Variants in KCTD9 observed in about 807,000 individuals in gnomAD.
KCTD9 encodes the protein potassium channel tetramerization domain containing 9.
A neutral mutation model predicts 53.3 loss-of-function variants in KCTD9; 17 were observed. The observed-to-expected ratio is 0.32, with a 90% CI of 0.22 to 0.48. The LOEUF (loss-of-function observed/expected upper bound fraction) is 0.48. KCTD9 is among the 20% of genes least tolerant of loss of function. KCTD9 has a pLI of 0.99. For synonymous variants in KCTD9, 128 were observed against 162.7 expected, an observed-to-expected ratio of 0.79 and a Z score of 1.62; for missense variants, 179 against 465.5, an observed-to-expected ratio of 0.38 and a Z score of 5.66.
chr8:25,444,329 A>G lies in KCTD9; in HGVS notation c.177T>C (p.Asp59=), dbSNP rs1398892093. The G allele has an allele frequency of 1.9e-6, 3 of 1,609,986 alleles. No individual in the cohort carries two copies. The highest frequency in any genetic ancestry group is 1.7e-5 in the Admixed American group (1 of 59,458). ...CTCCTTCACAAACAAACAAAACATC[A>G]TCATCCCTGGGGAAATCAAAATTTA... ...LIDDIALIRD[D]DVLFVCEGEP... is the part of the protein sequence containing the mutation. The change falls in exon 3 of 12, where the codon GAT becomes GAC. Residue 59 remains aspartate (D), a synonymous_variant. Coordinates refer to ENST00000221200, the MANE Select transcript of KCTD9 (RefSeq NM_017634.4).
At chr8:25,442,662 T>C (rs1451549088) in intron 3 of KCTD9, among the ~76,000 whole-genome samples, 1 of 152,116 alleles carries the variant, frequency 6.6e-6, no homozygotes, top group Non-Finnish European at 1.5e-5. Context: ...TGGAGGTAAG[T>C]GTACGCTTGA....
intron 3 of KCTD9, among the ~76,000 whole-genome samples, chr8:25,443,419 T>G (rs1291298267): frequency 6.6e-6 from 1 of 152,140 alleles, no homozygotes; most frequent in African/African-American, 2.4e-5. Context: ...CATCAATAAA[T>G]GCAGAGGATG....
chr8:25,446,880 ACAGAG>A (rs1802223327), intron 1 of KCTD9, among the ~76,000 whole-genome samples: 1 of 152,090 alleles, frequency 6.6e-6, no homozygotes, highest in Non-Finnish European at 1.5e-5. Flanking sequence ...ACATTTAAGA[ACAGAG>A]CAAACAGCTG....
intron 1 of KCTD9, among the ~76,000 whole-genome samples, chr8:25,457,110 CAT>C (rs1468016406): frequency 6.6e-6 from 1 of 152,134 alleles, no homozygotes; most frequent in African/African-American, 2.4e-5. Context: ...ACCAAAAGAA[CAT>C]AAAATTATAG....
In KCTD9 at chr8:25,436,473, T is replaced by G. The variant is rs760266907; in HGVS notation, c.512A>C (p.Glu171Ala). The G allele has an allele frequency of 3.8e-6, 6 of 1,575,820 alleles. No homozygotes were observed. The highest frequency in any genetic ancestry group is 2.8e-5 in the African/African-American group (2 of 72,482). The change falls in exon 7 of 12, where the codon GAA (glutamate) becomes GCA (alanine). Residue 171 changes from glutamate (E) to alanine (A), a missense_variant. Glu to Ala is a moderately radical substitution (Grantham distance 107). Coordinates refer to ENST00000221200, the MANE Select transcript of KCTD9 (RefSeq NM_017634.4). Reference sequence around the variant, plus strand: ...TGAGTCAATACCAAAAAATCTTGCTTCTTCTAACACACCTATCAGAACAAA... The same window carrying G: ...TGAGTCAATACCAAAAAATCTTGCTGCTTCTAACACACCTATCAGAACAAA... Reference protein sequence around the residue: ...DGINLLGVLEEARFFGIDSLI... With the variant: ...DGINLLGVLEAARFFGIDSLI...
rs1329291814 is a variant in KCTD9, at chr8:25,427,946, T to C, written c.*1911A>G. 1 of 152,200 alleles carries C rather than the reference T, an allele frequency of 6.6e-6. No homozygotes were observed. Among genetic ancestry groups the C allele is most frequent in the African/African-American group, 2.4e-5 (1 of 41,456 alleles). The allele number at this position is 152,200 out of a possible 1,614,324, so 9.4% of individuals were successfully genotyped here. On this transcript the variant is annotated 3_prime_UTR_variant, in exon 12 of 12. Transcript: ENST00000221200. ...CCTTTGCTACCCAGAACCACAGGGC[T>C]GGTTGTCAACACATATTGAAGAAAT...
chr8:25,432,355 AGAAAT>A (rs376148143), intron 11 of KCTD9, 144 bp downstream of exon 11: 40 of 658,902 alleles, frequency 6.1e-5, no homozygotes, highest in African/African-American at 5.2e-4. Flanking sequence ...GGAAAAGGAG[AGAAAT>A]GAAATCAACT....
At chr8:25,450,060 A>C (rs1802290802) in intron 1 of KCTD9, among the ~76,000 whole-genome samples, 1 of 152,190 alleles carries the variant, frequency 6.6e-6, no homozygotes, top group Non-Finnish European at 1.5e-5. Flanking sequence ...CAATCAAAGT[A>C]CAACAGGTAT....
chr8:25,448,897 A>C (rs890887070), intron 1 of KCTD9, among the ~76,000 whole-genome samples: 4 of 152,042 alleles, frequency 2.6e-5, no homozygotes, highest in African/African-American at 9.7e-5. Context: ...CCTGGGCGAC[A>C]AAGTGAGACT....
At chr8:25,434,608 A>G (rs1586423704) in intron 9 of KCTD9, among the ~76,000 whole-genome samples, 1 of 152,210 alleles carries the variant, frequency 6.6e-6, no homozygotes, top group Non-Finnish European at 1.5e-5. Flanking sequence ...ACTAAAATGC[A>G]TATTTGGTAG....
intron 1 of KCTD9, chr8:25,457,612 G>C (rs2117457417): frequency 6.5e-6 from 1 of 152,796 alleles, no homozygotes; most frequent in African/African-American, 2.4e-5. Flanking sequence ...GGCGGCGGCG[G>C]GGCGTGGGGG....
chr8:25,449,071 C>T (rs746487043), intron 1 of KCTD9, among the ~76,000 whole-genome samples: 23 of 152,256 alleles, frequency 1.5e-4, no homozygotes, highest in Admixed American at 5.9e-4. Context: ...GCATTGCACA[C>T]GGCAAAGCTG....
chr8:25,458,136 G>A, intron 1 of KCTD9, 63 bp downstream of exon 1: 9 of 1,469,442 alleles, frequency 6.1e-6, no homozygotes, highest in Non-Finnish European at 7.5e-6. Context: ...CCGCCAGCCG[G>A]TTCCGCACCG....
chr8:25,446,020 G>A, intron 2 of KCTD9, 109 bp downstream of exon 2: 3 of 1,402,092 alleles, frequency 2.1e-6, no homozygotes, highest in Non-Finnish European at 2.9e-6. Context: ...GTAAACACTT[G>A]CCAAAATCCT....
Position 25,435,416 on chromosome 8 carries a change from T to C in KCTD9, c.760A>G (p.Asn254Asp). ...NLSRCNLAHANLCCANLERAD... is the reference protein window; with the variant it reads ...NLSRCNLAHADLCCANLERAD... Reference sequence around the variant, plus strand: ...CGTTCAAGATTTGCACAGCAAAGATTTGCATGTGCAAGATTACAGCGGCTT... The same window carrying C: ...CGTTCAAGATTTGCACAGCAAAGATCTGCATGTGCAAGATTACAGCGGCTT... Residue 254 changes from asparagine (N) to aspartate (D), a missense_variant, in exon 9 of 12, where the codon AAT becomes GAT. Asn to Asp is a conservative substitution (Grantham distance 23, BLOSUM62 1). Coordinates refer to ENST00000221200, the MANE Select transcript of KCTD9 (RefSeq NM_017634.4). The C allele has an allele frequency of 6.2e-7, 1 of 1,612,112 alleles. No individual in the cohort carries two copies. Among genetic ancestry groups the C allele is most frequent in the Non-Finnish European group, 8.5e-7 (1 of 1,179,204 alleles).
intron 2 of KCTD9, among the ~76,000 whole-genome samples, chr8:25,444,886 C>T (rs1441405558): frequency 6.6e-6 from 1 of 152,148 alleles, no homozygotes; most frequent in Non-Finnish European, 1.5e-5. Context: ...AACCCATTAC[C>T]CCAGATACTG....
rs191979092 is a variant in KCTD9, at chr8:25,433,237, A to G, written c.919+93T>C. The G allele has an allele frequency of 7.8e-6, 5 of 643,136 alleles. No homozygotes were observed. In the South Asian group the frequency reaches 9.3e-5, roughly 12 times the overall value. The allele number at this position is 643,136 out of a possible 1,614,324, so 39.8% of individuals were successfully genotyped here. ...CAGAAGAAACCTATCCCCTACAGCT[A>G]TCCTGTTTCACCCTTAACAATTATT... is the stretch of plus-strand genomic sequence containing the variant. On this transcript the variant is annotated intron_variant, in intron 10 of 11. Transcript: ENST00000221200.
Position 25,439,677 on chromosome 8 carries a change from G to A in KCTD9, c.312-13C>T, listed in dbSNP as rs369052120. 7 of 1,612,922 alleles carry A rather than the reference G, an allele frequency of 4.3e-6. No homozygotes were observed. Among genetic ancestry groups the A allele is most frequent in the Non-Finnish European group, 5.9e-6 (7 of 1,179,652 alleles). ...CACTAAAGTGCTCCTAAGAATTCAG[G>A]GAAAAAAATTGATTTCTCCATTTGT... On this transcript the variant is annotated splice_polypyrimidine_tract_variant and intron_variant, in intron 4 of 11. Coordinates refer to ENST00000221200, the MANE Select transcript of KCTD9 (RefSeq NM_017634.4).
chr8:25,439,146 T>C, intron 6 of KCTD9, 133 bp downstream of exon 6: 2 of 731,578 alleles, frequency 2.7e-6, no homozygotes, highest in Non-Finnish European at 4.1e-6. Flanking sequence ...AAACATCTAG[T>C]TTAAAAAATA....
Sources: allele counts gnomAD v4.1 joint callset (sites outside exome capture counted in the v4.1 genomes callset), GRCh38; gene constraint gnomAD v4.1.1; transcripts MANE v1.5; gene names NCBI Gene and HGNC (gene_info 2026-07-23, HGNC 2026-07-21).